Variants in PDE4D observed in about 807,000 individuals in gnomAD.
PDE4D encodes the protein 3',5'-cyclic-AMP phosphodiesterase 4D.
Under a neutral mutation model 87.4 loss-of-function variants are expected in PDE4D, and 24 were observed. The ratio of observed to expected loss-of-function variants is 0.27; its 90% confidence interval spans 0.20 to 0.39. The LOEUF (loss-of-function observed/expected upper bound fraction) is 0.39. PDE4D is among the 10% of genes least tolerant of loss of function. PDE4D has a pLI of 1.00. For missense variants in PDE4D, 714 were observed against 1,041.0 expected (o/e 0.69, Z 4.32); for synonymous variants, 384 against 383.2 (o/e 1.00, Z -0.02).
At chr5:60,236,376 T>A (rs1208536258) in intron 1 of PDE4D, among the ~76,000 whole-genome samples, 3 of 151,714 alleles carry the variant, frequency 2.0e-5, no homozygotes, top group Admixed American at 1.3e-4. Flanking sequence ...ACAAAAAAAA[T>A]TTAAACCCTC....
chr5:60,175,408 T>C (rs1399500297), intron 2 of PDE4D, among the ~76,000 whole-genome samples: 1 of 152,162 alleles, frequency 6.6e-6, no homozygotes, highest in African/African-American at 2.4e-5. Flanking sequence ...TTTATATGTG[T>C]CCCATATATC....
At chr5:60,283,372 A>G (rs1213314871) in intron 1 of PDE4D, among the ~76,000 whole-genome samples, 2 of 152,152 alleles carry the variant, frequency 1.3e-5, no homozygotes, top group African/African-American at 4.8e-5. Context: ...CTCAAAGTAT[A>G]CTTTTTTGTT....
intron 1 of PDE4D, among the ~76,000 whole-genome samples, chr5:59,535,251 C>T (rs952146130): frequency 2.0e-5 from 3 of 152,110 alleles, no homozygotes; most frequent in African/African-American, 7.2e-5. Flanking sequence ...TCATGAAAGA[C>T]ATTTAGAAAA....
chr5:60,304,132 T>A (rs1754205624), intron 1 of PDE4D: 1 of 152,198 alleles, frequency 6.6e-6, no homozygotes, highest in African/African-American at 2.4e-5. Context: ...AAGTTTAGTA[T>A]ATGTTCTGCC....
intron 1 of PDE4D, among the ~76,000 whole-genome samples, chr5:59,851,553 A>G (rs1317525459): frequency 6.6e-6 from 1 of 151,992 alleles, no homozygotes; most frequent in African/African-American, 2.4e-5. Flanking sequence ...ACTACGAGAT[A>G]CCACTCCTTT....
chr5:60,370,060 C>A (rs770534712), intron 1 of PDE4D, among the ~76,000 whole-genome samples: 4 of 152,110 alleles, frequency 2.6e-5, no homozygotes, highest in Non-Finnish European at 5.9e-5. Flanking sequence ...AGAACCCCTG[C>A]AGGATTTATC....
chr5:59,870,180 C>T (rs1165973446), intron 1 of PDE4D, among the ~76,000 whole-genome samples: 3 of 152,174 alleles, frequency 2.0e-5, no homozygotes, highest in African/African-American at 7.2e-5. Context: ...TTAATGAGAG[C>T]AAATTATTTA....
At chr5:59,977,599 G>A (rs563286115) in intron 3 of PDE4D, among the ~76,000 whole-genome samples, 4 of 152,318 alleles carry the variant, frequency 2.6e-5, no homozygotes, top group Admixed American at 2.0e-4. Context: ...AGTGTGAAGT[G>A]AAGCAGCAAG....
intron 1 of PDE4D, among the ~76,000 whole-genome samples, chr5:59,641,383 C>T (rs1011581928): frequency 2.0e-5 from 3 of 152,186 alleles, no homozygotes; most frequent in Non-Finnish European, 4.4e-5. Context: ...CCATCACTCC[C>T]ACACTGCCGA....
intron 1 of PDE4D, among the ~76,000 whole-genome samples, chr5:59,322,925 T>C (rs1774975449): frequency 6.6e-6 from 1 of 152,130 alleles, no homozygotes; most frequent in African/African-American, 2.4e-5. Context: ...GCAAATGTCA[T>C]TGGTATTTTG....
At chr5:60,484,925 C>T (rs775083690) in intron 1 of PDE4D, among the ~76,000 whole-genome samples, 8 of 152,152 alleles carry the variant, frequency 5.3e-5, no homozygotes, top group Non-Finnish European at 1.2e-4. Context: ...AATACCAGAA[C>T]ATATATCATT....
At chr5:60,013,819 C>T (rs1341277133) in intron 2 of PDE4D, among the ~76,000 whole-genome samples, 1 of 152,038 alleles carries the variant, frequency 6.6e-6, no homozygotes, top group Non-Finnish European at 1.5e-5. Flanking sequence ...ATTGGGCAGG[C>T]CTGTTCCTTT....
intron 1 of PDE4D, among the ~76,000 whole-genome samples, chr5:59,613,985 AT>A (rs1829335866): frequency 6.6e-6 from 1 of 152,040 alleles, no homozygotes; most frequent in African/African-American, 2.4e-5. Flanking sequence ...TTTTTTCTTA[AT>A]TTTTTTACAA....
chr5:60,256,200 A>G (rs1007804053), intron 1 of PDE4D, among the ~76,000 whole-genome samples: 2 of 151,902 alleles, frequency 1.3e-5, no homozygotes, highest in East Asian at 1.9e-4. Flanking sequence ...TGTTGCCAGA[A>G]GTTGGTCTAC....
At chr5:59,752,263 T>C (rs1229265968) in intron 1 of PDE4D, among the ~76,000 whole-genome samples, 2 of 152,238 alleles carry the variant, frequency 1.3e-5, no homozygotes, top group Non-Finnish European at 2.9e-5. Flanking sequence ...CTATCAATTG[T>C]ATGTTTACCT....
At chr5:59,044,926 C>T (rs1378133677) in intron 5 of PDE4D, among the ~76,000 whole-genome samples, 1 of 152,158 alleles carries the variant, frequency 6.6e-6, no homozygotes, top group African/African-American at 2.4e-5. Context: ...ATGAGGTTGG[C>T]TTTCATTGAC....
At chr5:60,202,056 A>T (rs745708324) in intron 1 of PDE4D, among the ~76,000 whole-genome samples, 2 of 152,278 alleles carry the variant, frequency 1.3e-5, no homozygotes, top group Non-Finnish European at 2.9e-5. Context: ...ATACTCAAAG[A>T]AAATATATGT....
chr5:59,684,849 G>A (rs1444274764), intron 1 of PDE4D, among the ~76,000 whole-genome samples: 1 of 152,180 alleles, frequency 6.6e-6, no homozygotes, highest in Non-Finnish European at 1.5e-5. Context: ...ACTCCCATAT[G>A]CCTTTGGCTA....
chr5:60,469,454 C>T (rs1747653042), intron 1 of PDE4D, among the ~76,000 whole-genome samples: 1 of 152,186 alleles, frequency 6.6e-6, no homozygotes, highest in Admixed American at 6.5e-5. Flanking sequence ...ATGATCATCT[C>T]CATGTAGAGG....
Sources: gnomAD v4.1 joint callset for allele counts (sites outside exome capture counted in the v4.1 genomes callset) on GRCh38, gnomAD v4.1.1 for gene constraint, MANE v1.5 for transcripts, NCBI Gene and HGNC (gene_info 2026-07-23, HGNC 2026-07-21) for gene names.